Variants in ABLIM2 observed in about 807,000 individuals in gnomAD.
ABLIM2 encodes the protein actin-binding LIM protein 2.
A neutral mutation model predicts 97.7 loss-of-function variants in ABLIM2; 53 were observed. The observed-to-expected ratio is 0.54, with a 90% CI of 0.44 to 0.68. The LOEUF (loss-of-function observed/expected upper bound fraction) is 0.68, where lower values mean the gene tolerates loss of function less well. ABLIM2 is among the 30% of genes least tolerant of loss of function. The pLI, the probability that ABLIM2 is intolerant of heterozygous loss-of-function variation, is 0.00. For synonymous variants in ABLIM2, 361 were observed against 345.8 expected, an observed-to-expected ratio of 1.04 and a Z score of -0.49; for missense variants, 835 against 867.2, an observed-to-expected ratio of 0.96 and a Z score of 0.47.
rs192146267 is a variant in ABLIM2 at position 8,128,579 on chromosome 4, A to G, written c.11-21942T>C. Among the ~76,000 whole-genome samples, 158 of 152,320 alleles carry G rather than the reference A, an allele frequency of 1.0e-3. No individual in the cohort carries two copies. The highest frequency in any genetic ancestry group is 3.4e-3 in the Middle Eastern group (1 of 294). ...TAAAACACGAATGCACTAAACCTCC[A>G]GTGACCTTGCACAGCAGGTCTCCTT... On this transcript the variant is annotated intron_variant, in intron 1 of 20. Transcript: ENST00000447017. This position sits in a 1 kb window ranked among gnomAD's most constrained non-coding sequence, Gnocchi z 4.9.
At position 7,992,938 on chromosome 4, in the gene ABLIM2, C is replaced by T; in HGVS notation, c.1619-11G>A. The T allele has an allele frequency of 6.2e-7, 1 of 1,612,468 alleles. No individual in the cohort carries two copies. The highest frequency in any genetic ancestry group is 8.5e-7 in the Non-Finnish European group (1 of 1,179,596). On this transcript the variant is annotated splice_polypyrimidine_tract_variant and intron_variant, in intron 16 of 20. Coordinates refer to ENST00000447017, the MANE Select transcript of ABLIM2 (RefSeq NM_001130083.2). The surrounding 1 kb of genome is among the most constrained non-coding windows in gnomAD (Gnocchi z 5.7). ...TGGAATAGGGGAATCCTGAAACAGA[C>T]ACAGCACAGCTTTGTCACGCGCGCA...
Position 8,059,508 on chromosome 4 carries a change from C to T in ABLIM2, c.763+1459G>A, listed in dbSNP as rs1333136537. 8.5e-5 allele frequency among the ~76,000 whole-genome samples: 13 copies of T among 152,168 alleles called. No individual in the cohort carries two copies. The East Asian group carries it at 1.5e-3, about 18-fold the overall frequency. ...GCACTCCTCCCCCTTGCCTAAGGTGCCCCCTGTCCCCCGGCCCCCCCACTT... is the reference window on the plus strand; with the variant it reads ...GCACTCCTCCCCCTTGCCTAAGGTGTCCCCTGTCCCCCGGCCCCCCCACTT... On this transcript the variant is annotated intron_variant, in intron 7 of 20. Transcript: ENST00000447017.
intron 20 of ABLIM2, among the ~76,000 whole-genome samples, chr4:7,982,091 C>T (rs556787046): frequency 1.3e-5 from 2 of 152,038 alleles, no homozygotes; most frequent in Admixed American, 6.5e-5. Context: ...ACTCCCTCCC[C>T]AGCAGGAGAC....
At chr4:7,968,135 C>T (rs1724492951) in intron 20 of ABLIM2, among the ~76,000 whole-genome samples, 2 of 152,254 alleles carry the variant, frequency 1.3e-5, no homozygotes, top group South Asian at 4.1e-4. Context: ...CCTCGCCTCG[C>T]CTGGGCGGGG....
At chr4:8,000,476 C>T (rs1186670347) in intron 16 of ABLIM2, among the ~76,000 whole-genome samples, 2 of 151,954 alleles carry the variant, frequency 1.3e-5, no homozygotes, top group African/African-American at 2.4e-5. Context: ...GAGATTGAAT[C>T]ATGGGTGGAC....
chr4:8,140,539 C>A lies in ABLIM2; in HGVS notation c.10+18141G>T, dbSNP rs1038585240. ...GGGCCTTGCCTGCATGTGGGAGCCA[C>A]ACGTGGCCTCTCTTTAACCGGCTTC... On this transcript the variant is annotated intron_variant, in intron 1 of 20. Transcript: ENST00000447017. The surrounding 1 kb of genome is among the most constrained non-coding windows in gnomAD (Gnocchi z 5.9). 6.6e-6 allele frequency among the ~76,000 whole-genome samples: 1 copy of A among 152,212 alleles called. No individual in the cohort carries two copies. Among genetic ancestry groups the A allele is most frequent in the Non-Finnish European group, 1.5e-5 (1 of 68,034 alleles).
rs751853425 is a variant in ABLIM2, at chr4:8,036,220, C to T, written c.976G>A (p.Asp326Asn). The T allele has an allele frequency of 1.8e-5, 29 of 1,613,800 alleles. No individual in the cohort carries two copies. The highest frequency in any genetic ancestry group is 2.2e-5 in the Non-Finnish European group (26 of 1,179,786). ...GAGTAGGAGATCATGTCGGGGCGGTCGATGTCATAGATGGCCTTACTTTTA... is the reference window on the plus strand; with the variant it reads ...GAGTAGGAGATCATGTCGGGGCGGTTGATGTCATAGATGGCCTTACTTTTA... ...LPKSKAIYDIDRPDMISYSPY... is the reference protein window; with the variant it reads ...LPKSKAIYDINRPDMISYSPY... The change falls in exon 10 of 21, where the codon GAC becomes AAC. Residue 326 changes from aspartate to asparagine, a missense_variant. Asp to Asn is a conservative substitution (Grantham distance 23). Coordinates refer to ENST00000447017, the MANE Select transcript of ABLIM2 (RefSeq NM_001130083.2).
intron 14 of ABLIM2, among the ~76,000 whole-genome samples, chr4:8,012,695 ATATT>A (rs1765868116): frequency 6.6e-6 from 1 of 150,506 alleles, no homozygotes; most frequent in Admixed American, 6.6e-5. Context: ...ACTTATTTTG[ATATT>A]TATTCATCCA....
rs1723324376 is a variant in ABLIM2, at chr4:7,966,967, C to T, written c.*23G>A. On this transcript the variant is annotated 3_prime_UTR_variant, in exon 21 of 21. Coordinates refer to ENST00000447017, the MANE Select transcript of ABLIM2 (RefSeq NM_001130083.2). ...CCCTGGCCTCGGCGCCCGGCACACACCAGTGGGGCAGGCTGGCAGCCGTCA... is the reference window on the plus strand; with the variant it reads ...CCCTGGCCTCGGCGCCCGGCACACATCAGTGGGGCAGGCTGGCAGCCGTCA... 1 of 1,599,872 alleles carries T rather than the reference C, an allele frequency of 6.3e-7. No homozygotes were observed. The highest frequency in any genetic ancestry group is 8.5e-7 in the Non-Finnish European group (1 of 1,169,746).
rs1416704019 is a variant in ABLIM2, at chr4:8,001,919, T to C, written c.1618+6140A>G. 6.6e-6 allele frequency among the ~76,000 whole-genome samples: 1 copy of C among 152,226 alleles called. No individual in the cohort carries two copies. Among genetic ancestry groups the C allele is most frequent in the East Asian group, 1.9e-4 (1 of 5,192 alleles). On this transcript the variant is annotated intron_variant, in intron 16 of 20. Coordinates refer to ENST00000447017, the MANE Select transcript of ABLIM2 (RefSeq NM_001130083.2). The surrounding 1 kb of genome is among the most constrained non-coding windows in gnomAD (Gnocchi z 4.2). ...ACCTGCCCGCTTGTCAGCACACACATGTGCGTGCTCTCTCTCTCTTTTTCT... is the reference window on the plus strand; with the variant it reads ...ACCTGCCCGCTTGTCAGCACACACACGTGCGTGCTCTCTCTCTCTTTTTCT...
intron 11 of ABLIM2, 73 bp from the exon 12 acceptor site, chr4:8,027,930 CCA>C (rs1360463223): frequency 9.1e-7 from 1 of 1,095,392 alleles, no homozygotes; most frequent in African/African-American, 1.6e-5. Flanking sequence ...TTCCTCATCC[CCA>C]CTCTGCTACG....
At chr4:7,993,102 C>G (rs1429421055) in intron 16 of ABLIM2, among the ~76,000 whole-genome samples, 175 bp from the exon 17 acceptor site, 1 of 152,162 alleles carries the variant, frequency 6.6e-6, no homozygotes, top group Non-Finnish European at 1.5e-5. Flanking sequence ...GGGCGCTGAC[C>G]GAGGAGGAAG....
At chr4:8,070,624 G>C (rs931347166) in intron 6 of ABLIM2, among the ~76,000 whole-genome samples, 2 of 152,152 alleles carry the variant, frequency 1.3e-5, no homozygotes, top group African/African-American at 2.4e-5. Flanking sequence ...CCCTGACCCA[G>C]GGCAGAGAGA....
intron 8 of ABLIM2, among the ~76,000 whole-genome samples, chr4:8,045,565 C>T (rs1791779865): frequency 6.6e-6 from 1 of 152,172 alleles, no homozygotes; most frequent in South Asian, 2.1e-4. Context: ...AGGAGAATCG[C>T]TTAAACCTGG....
chr4:8,102,695 G>A (rs1044882793), intron 2 of ABLIM2, among the ~76,000 whole-genome samples: 13 of 152,232 alleles, frequency 8.5e-5, no homozygotes, highest in African/African-American at 3.1e-4. Context: ...ATTTTCCCAG[G>A]TAAACTGAGG....
At chr4:7,979,088 G>A (rs931564945) in intron 20 of ABLIM2, among the ~76,000 whole-genome samples, 1 of 152,242 alleles carries the variant, frequency 6.6e-6, no homozygotes, top group South Asian at 2.1e-4. Context: ...TTCCTAGCCA[G>A]TTCCTGCTGC....
chr4:7,984,166 G>A (rs1438348918), intron 18 of ABLIM2, among the ~76,000 whole-genome samples: 1 of 152,200 alleles, frequency 6.6e-6, no homozygotes, highest in Non-Finnish European at 1.5e-5. Flanking sequence ...TCTCGGAAGG[G>A]AGACCCCGTG....
chr4:8,085,874 G>A lies in ABLIM2; in HGVS notation c.454+2295C>T, dbSNP rs1330026479. On this transcript the variant is annotated intron_variant, in intron 4 of 20. Transcript: ENST00000447017. The surrounding 1 kb of genome is among the most constrained non-coding windows in gnomAD (Gnocchi z 6.1). ...CCTTGGACAGCCTCTAGTCCTAGTG[G>A]GGTGAGCTCACTTGCTTTGGAGTTG... Among the ~76,000 whole-genome samples, 3 of 152,186 alleles carry A rather than the reference G, an allele frequency of 2.0e-5. No individual in the cohort carries two copies. The highest frequency in any genetic ancestry group is 4.4e-5 in the Non-Finnish European group (3 of 68,022).
At chr4:7,976,582 C>T (rs970468925) in intron 20 of ABLIM2, among the ~76,000 whole-genome samples, 3 of 152,180 alleles carry the variant, frequency 2.0e-5, no homozygotes, top group African/African-American at 7.2e-5. Flanking sequence ...AGCTAAGGCT[C>T]CCTCCTGTCC....
Sources: gnomAD v4.1 joint callset for allele counts (sites outside exome capture counted in the v4.1 genomes callset) on GRCh38, gnomAD v4.1.1 for gene constraint, Gnocchi (gnomAD v3.1) non-coding constraint, MANE v1.5 for transcripts, NCBI Gene and HGNC (gene_info 2026-07-23, HGNC 2026-07-21) for gene names.